ERLIN2: variants seen among roughly 807,000 people sequenced by gnomAD.
ERLIN2 encodes ER lipid raft associated 2, also known as erlin-2.
A neutral mutation model predicts 41.5 loss-of-function variants in ERLIN2; 22 were observed. That is an observed-to-expected ratio of 0.53 (90% CI 0.38 to 0.76). ERLIN2 has a LOEUF of 0.76. ERLIN2 is among the 30% of genes least tolerant of loss of function. The pLI is 0.00. For synonymous variants in ERLIN2, 149 were observed against 150.9 expected, an observed-to-expected ratio of 0.99 and a Z score of 0.09; for missense variants, 247 against 414.3, an observed-to-expected ratio of 0.60 and a Z score of 3.51.
intron 2 of ERLIN2, 130 bp downstream of exon 2, chr8:37,738,159 G>A (rs1802721052): frequency 9.8e-6 from 10 of 1,021,974 alleles, no homozygotes; most frequent in Non-Finnish European, 1.5e-5. Context: ...CTTTTCAGAT[G>A]GAGCTTTTTA....
chr8:37,742,848 A>G (rs1361161301), intron 4 of ERLIN2, among the ~76,000 whole-genome samples: 2 of 152,250 alleles, frequency 1.3e-5, no homozygotes, highest in Non-Finnish European at 2.9e-5. Context: ...TAACGTTAAA[A>G]ACAAAAAAAG....
At position 37,740,410 on chromosome 8, in the gene ERLIN2, C is replaced by T; in HGVS notation, c.153C>T (p.Leu51=). Residue 51 remains leucine, a synonymous_variant, in exon 3 of 12, where the codon CTC becomes CTT. Coordinates refer to ENST00000519638, the MANE Select transcript of ERLIN2 (RefSeq NM_007175.8). ...LTSTSGPGFH[L]MLPFITSYKS... is the part of the protein sequence containing the mutation. ...CGACCAGCGGCCCTGGTTTCCATCT[C>T]ATGCTCCCTTTCATCACATCATATA... 6.2e-7 allele frequency: 1 copy of T among 1,613,296 alleles called. No individual in the cohort carries two copies. Among genetic ancestry groups the T allele is most frequent in the Non-Finnish European group, 8.5e-7 (1 of 1,179,544 alleles).
chr8:37,748,063 G>T, intron 6 of ERLIN2: 1 of 1,411,162 alleles, frequency 7.1e-7, no homozygotes, highest in Non-Finnish European at 1.0e-6. Context: ...CCGAAATGAC[G>T]TCACGAGCGC....
At chr8:37,737,366 C>G (rs1289895311) in intron 1 of ERLIN2, 5 of 185,196 alleles carry the variant, frequency 2.7e-5, no homozygotes, top group African/African-American at 1.2e-4. Flanking sequence ...GATGCGAGGC[C>G]AACGAATCCT....
At chr8:37,753,848 G>T in intron 11 of ERLIN2, 67 bp from the exon 12 acceptor site, 1 of 1,384,402 alleles carries the variant, frequency 7.2e-7, no homozygotes, top group East Asian at 2.3e-5. Context: ...AATTGAAGGG[G>T]CACCACTCCC....
intron 6 of ERLIN2, among the ~76,000 whole-genome samples, chr8:37,748,362 TTAAATTGGTTGACCCCTGGCAGGTGTG>T (rs1803126962): frequency 1.3e-5 from 2 of 152,202 alleles, no homozygotes; most frequent in Non-Finnish European, 2.9e-5. Context: ...GTTCTAGTTG[TTAAATTGGTTGACCCCTGGCAGGTGTG>T]AGGTGCCGAC....
At chr8:37,744,756 C>A in intron 6 of ERLIN2, 60 bp downstream of exon 6, 1 of 1,597,078 alleles carries the variant, frequency 6.3e-7, no homozygotes, top group Middle Eastern at 1.7e-4. Flanking sequence ...CCCCGCGTCT[C>A]TCCACTGCCT....
At chr8:37,736,859 G>A (rs1381979070) in intron 1 of ERLIN2, 181 bp downstream of exon 1, 16 of 985,820 alleles carry the variant, frequency 1.6e-5, no homozygotes, top group Non-Finnish European at 1.9e-5. Context: ...CAGGGGGACC[G>A]AGCGGAGGCT....
rs1425203177 is a variant in ERLIN2, at chr8:37,756,780, A to G, written c.*2665A>G. On this transcript the variant is annotated 3_prime_UTR_variant, in exon 12 of 12. Transcript: ENST00000519638. ...AATGTGACAGCCTGCAATTTTGTAGACAGTGAAGTAATGGCTGCTATTTAT... is the reference window on the plus strand; with the variant it reads ...AATGTGACAGCCTGCAATTTTGTAGGCAGTGAAGTAATGGCTGCTATTTAT... 6.6e-6 allele frequency: 1 copy of G among 152,666 alleles called. No individual in the cohort carries two copies. Among genetic ancestry groups the G allele is most frequent in the East Asian group, 1.9e-4 (1 of 5,196 alleles). The allele number at this position is 152,666 out of a possible 1,614,324, so 9.5% of individuals were successfully genotyped here.
At chr8:37,752,874 T>C (rs1222740893) in intron 10 of ERLIN2, among the ~76,000 whole-genome samples, 1 of 152,230 alleles carries the variant, frequency 6.6e-6, no homozygotes, top group East Asian at 1.9e-4. Context: ...GCTTAATCAC[T>C]GTTAATTAGG....
rs1270431379 is a variant in ERLIN2, at chr8:37,753,542, C to T, written c.819+13C>T. Reference sequence around the variant, plus strand: ...CGAAGCCAATAAGGTAAAGACCCCGCACAGCCTGATAAAAAGGAGTCTTTG... The same window carrying T: ...CGAAGCCAATAAGGTAAAGACCCCGTACAGCCTGATAAAAAGGAGTCTTTG... On this transcript the variant is annotated intron_variant, in intron 11 of 11. Coordinates refer to ENST00000519638, the MANE Select transcript of ERLIN2 (RefSeq NM_007175.8). The T allele has an allele frequency of 8.1e-6, 13 of 1,611,666 alleles. No homozygotes were observed. Among genetic ancestry groups the T allele is most frequent in the Admixed American group, 1.7e-5 (1 of 60,000 alleles).
rs2129728419 is a variant in ERLIN2 at position 37,753,898 on chromosome 8, T to TC, written c.820-17_820-16insC. On this transcript the variant is annotated splice_polypyrimidine_tract_variant and intron_variant, in intron 11 of 11. Transcript: ENST00000519638. ...TGGTTCAACATAAGTCTTCCATACT[T>TC]TTTTTTTTTTTAACAGCTGAAGCTA... 1.4e-6 allele frequency: 2 copies of TC among 1,451,920 alleles called. No individual in the cohort carries two copies. Among genetic ancestry groups the TC allele is most frequent in the East Asian group, 2.5e-5 (1 of 40,726 alleles). The allele number at this position is 1,451,920 out of a possible 1,614,324, so 89.9% of individuals were successfully genotyped here. A position where few individuals can be genotyped will look rare whatever the true frequency, so the allele number is the denominator to read the frequency against.
chr8:37,750,034 T>C, intron 8 of ERLIN2, 182 bp downstream of exon 8: 1 of 691,812 alleles, frequency 1.4e-6, no homozygotes. Context: ...GCTCCCTACC[T>C]GTGATTGAGA....
chr8:37,747,230 C>A, intron 6 of ERLIN2: 1 of 713,840 alleles, frequency 1.4e-6, no homozygotes. Flanking sequence ...CAACATAAAG[C>A]CTTCTGCTGG....
At position 37,754,087 on chromosome 8, in the gene ERLIN2, C is replaced by T. The variant is rs771074780; in HGVS notation, c.992C>T (p.Pro331Leu). 4.3e-6 allele frequency: 7 copies of T among 1,613,846 alleles called. No individual in the cohort carries two copies. Among genetic ancestry groups the T allele is most frequent in the Admixed American group, 3.3e-5 (2 of 59,994 alleles). ...DKLSFGLEDE[P>L]LETATKEN Reference sequence around the variant, plus strand: ...CTAAGCTTTGGCTTAGAAGATGAACCCTTGGAGACGGCCACTAAGGAGAAT... The same window carrying T: ...CTAAGCTTTGGCTTAGAAGATGAACTCTTGGAGACGGCCACTAAGGAGAAT... Residue 331 changes from proline to leucine, a missense_variant, in exon 12 of 12, where the codon CCC becomes CTC. Pro to Leu is a moderately conservative substitution (Grantham distance 98, BLOSUM62 -3). This residue lies in a region of ERLIN2 where 153 missense variants were observed against 256.4 expected (regional missense o/e 0.60). Coordinates refer to ENST00000519638, the MANE Select transcript of ERLIN2 (RefSeq NM_007175.8).
intron 4 of ERLIN2, among the ~76,000 whole-genome samples, chr8:37,743,199 A>T (rs1585904800): frequency 6.6e-6 from 1 of 152,222 alleles, no homozygotes; most frequent in Non-Finnish European, 1.5e-5. Flanking sequence ...ATTGATTAGA[A>T]CCTGGTTCAA....
rs2032068 is a variant in ERLIN2, at chr8:37,741,735, C to T, written c.190-37C>T. On this transcript the variant is annotated intron_variant, in intron 3 of 11. Coordinates refer to ENST00000519638, the MANE Select transcript of ERLIN2 (RefSeq NM_007175.8). The surrounding 1 kb of genome is among the most constrained non-coding windows in gnomAD (Gnocchi z 4.8). ...TGAAAAGTAAGTTACTTTGTCACTG[C>T]CCATCTTCTAGCACTTTATGTTTCC... 2 of 1,534,710 alleles carry T rather than the reference C, an allele frequency of 1.3e-6. No homozygotes were observed. Among genetic ancestry groups the T allele is most frequent in the Admixed American group, 3.3e-5 (2 of 59,928 alleles).
In ERLIN2 at chr8:37,741,913, C is replaced by CT; in HGVS notation, c.236+98dup. The CT allele has an allele frequency of 4.2e-6, 4 of 945,160 alleles. No homozygotes were observed. Among genetic ancestry groups the CT allele is most frequent in the African/African-American group, 1.6e-5 (1 of 62,076 alleles). 58.5% of individuals were successfully genotyped at this position (945,160 alleles called of 1,614,324 possible). On this transcript the variant is annotated intron_variant, in intron 4 of 11. Transcript: ENST00000519638. The surrounding 1 kb of genome is among the most constrained non-coding windows in gnomAD (Gnocchi z 4.8). ...AAGAGACAGTGAAAAGGGAGGCACC[C>CT]TTTCTTGGTTAATTCCCTGTCTCGT...
Position 37,757,063 on chromosome 8 carries a change from TGAAA to T in ERLIN2, c.*2952_*2955del, listed in dbSNP as rs1803375991. On this transcript the variant is annotated 3_prime_UTR_variant, in exon 12 of 12. Coordinates refer to ENST00000519638, the MANE Select transcript of ERLIN2 (RefSeq NM_007175.8). ...TGATCATATAAAAAGGGAGGGTTAC[TGAAA>T]GAATTTTAGCAATATATTGATTCAG... is the stretch of plus-strand genomic sequence containing the variant. 1 of 152,230 alleles carries T rather than the reference TGAAA, an allele frequency of 6.6e-6. No individual in the cohort carries two copies. The highest frequency in any genetic ancestry group is 2.1e-4 in the South Asian group (1 of 4,836). 9.4% of individuals were successfully genotyped at this position (152,230 alleles called of 1,614,324 possible). A position where few individuals can be genotyped will look rare whatever the true frequency, so the allele number is the denominator to read the frequency against.
Sources: allele counts gnomAD v4.1 joint callset (sites outside exome capture counted in the v4.1 genomes callset), GRCh38; gene constraint gnomAD v4.1.1; regional missense constraint gnomAD v4.1.1; non-coding constraint Gnocchi (gnomAD v3.1); transcripts MANE v1.5; gene names NCBI Gene and HGNC (gene_info 2026-07-23, HGNC 2026-07-21).